Variants in TRAK1 observed in about 807,000 individuals in gnomAD.
TRAK1 encodes the protein trafficking kinesin protein 1, also known as trafficking kinesin-binding protein 1.
A neutral mutation model predicts 92.1 loss-of-function variants in TRAK1; 33 were observed. That is an observed-to-expected ratio of 0.36 (90% CI 0.27 to 0.48). The LOEUF is 0.48. Ranked by LOEUF, TRAK1 falls within the 20% of genes least tolerant of loss-of-function variation. The pLI is 0.99. For synonymous variants in TRAK1, 521 were observed against 517.3 expected (o/e 1.01, Z -0.10); for missense variants, 1,123 against 1,257.9 (o/e 0.89, Z 1.62).
chr3:42,218,333 A>C, intron 14 of TRAK1: 1 of 984,910 alleles, frequency 1.0e-6, no homozygotes, highest in Non-Finnish European at 1.2e-6. Context: ...AGAAGATTCT[A>C]GTTCACAGCC....
At chr3:42,098,779 A>G (rs189951813) in intron 1 of TRAK1, among the ~76,000 whole-genome samples, 2 of 152,322 alleles carry the variant, frequency 1.3e-5, no homozygotes, top group Non-Finnish European at 2.9e-5. Context: ...GGGAGTCCAC[A>G]GTGTACCCCT....
intron 1 of TRAK1, among the ~76,000 whole-genome samples, chr3:42,109,122 T>C (rs1484566805): frequency 6.6e-6 from 1 of 152,178 alleles, no homozygotes; most frequent in Non-Finnish European, 1.5e-5. Flanking sequence ...AACTTCTCTG[T>C]GCTGTAGTGT....
At chr3:42,133,746 G>C (rs969897799) in intron 2 of TRAK1, among the ~76,000 whole-genome samples, 2 of 152,110 alleles carry the variant, frequency 1.3e-5, no homozygotes, top group African/African-American at 4.8e-5. Flanking sequence ...ACCTTTACGA[G>C]CACTGCAGGA....
chr3:42,071,092 G>A (rs1703913455), intron 1 of TRAK1, among the ~76,000 whole-genome samples: 1 of 152,180 alleles, frequency 6.6e-6, no homozygotes, highest in South Asian at 2.1e-4. Flanking sequence ...GCCTGGCTAA[G>A]CACACAGTCA....
chr3:42,030,731 T>C (rs1702107948), intron 1 of TRAK1, among the ~76,000 whole-genome samples: 1 of 79,402 alleles, frequency 1.3e-5, no homozygotes, highest in Non-Finnish European at 2.6e-5. Flanking sequence ...TATATATATA[T>C]ATATATATAT....
chr3:42,121,512 G>A (rs914739569), intron 1 of TRAK1, among the ~76,000 whole-genome samples: 8 of 152,122 alleles, frequency 5.3e-5, no homozygotes, highest in African/African-American at 1.9e-4. Context: ...GCCCGCCTTG[G>A]CCTCCCAAAG....
chr3:42,080,148 G>T (rs1323634583), intron 1 of TRAK1, among the ~76,000 whole-genome samples: 1 of 152,168 alleles, frequency 6.6e-6, no homozygotes, highest in Non-Finnish European at 1.5e-5. Flanking sequence ...AAATGACATC[G>T]GTTGAGGGTA....
chr3:42,046,886 G>T (rs1184037363), intron 1 of TRAK1, among the ~76,000 whole-genome samples: 1 of 152,008 alleles, frequency 6.6e-6, no homozygotes, highest in Non-Finnish European at 1.5e-5. Context: ...TGGATTTCAT[G>T]AGCTTTGGTA....
chr3:42,150,025 C>G lies in TRAK1; in HGVS notation c.286+24411C>G, dbSNP rs189553018. Among the ~76,000 whole-genome samples the G allele has an allele frequency of 9.9e-4, 141 of 142,980 alleles. 1 individual carries two copies. In the South Asian group the frequency reaches 0.016, roughly 16 times the overall value. 93.8% of individuals were successfully genotyped at this position (142,980 alleles called of 152,430 possible). ...TGTGTTCAGGAGGTGGCTTCCTGGA[C>G]TGTCAGCAGCAGGCCTGGAAGACTC... On this transcript the variant is annotated intron_variant, in intron 2 of 15. Transcript: ENST00000327628.
intron 10 of TRAK1, among the ~76,000 whole-genome samples, chr3:42,196,392 G>A (rs1311062054): frequency 6.6e-6 from 1 of 152,152 alleles, no homozygotes; most frequent in African/African-American, 2.4e-5. Context: ...AAATTTGGGG[G>A]GGGCCTGTGA....
chr3:42,192,783 T>G (rs559239485), intron 7 of TRAK1, among the ~76,000 whole-genome samples: 1 of 152,320 alleles, frequency 6.6e-6, no homozygotes, highest in African/African-American at 2.4e-5. Flanking sequence ...CCTTCCTGAT[T>G]TGTTCTGGGG....
intron 6 of TRAK1, among the ~76,000 whole-genome samples, chr3:42,190,222 C>T (rs1055424950): frequency 1.3e-5 from 2 of 152,134 alleles, no homozygotes; most frequent in African/African-American, 2.4e-5. Flanking sequence ...TGGTACAGTA[C>T]GGCCCTGTTT....
chr3:42,031,814 TAATA>T (rs1184090489), intron 1 of TRAK1, among the ~76,000 whole-genome samples: 1 of 152,052 alleles, frequency 6.6e-6, no homozygotes, highest in East Asian at 1.9e-4. Context: ...ACGGCATGGA[TAATA>T]AAATGCCCCC....
At chr3:42,027,658 CCTAAA>C (rs1227198377) in intron 1 of TRAK1, among the ~76,000 whole-genome samples, 2 of 151,998 alleles carry the variant, frequency 1.3e-5, no homozygotes, top group Non-Finnish European at 2.9e-5. Flanking sequence ...AAGCCCCAAA[CCTAAA>C]CTATACAGTG....
chr3:42,066,163 T>A (rs1703667061), intron 1 of TRAK1, among the ~76,000 whole-genome samples: 1 of 151,974 alleles, frequency 6.6e-6, no homozygotes, highest in African/African-American at 2.4e-5. Context: ...CCGTCTCTGC[T>A]AAAATTCCAA....
chr3:42,078,393 G>A (rs1202298459), intron 1 of TRAK1, among the ~76,000 whole-genome samples: 2 of 152,168 alleles, frequency 1.3e-5, no homozygotes, highest in African/African-American at 4.8e-5. Flanking sequence ...TGTCCTGGAT[G>A]ATCTAAGTGG....
rs115838699 is a variant in TRAK1 at position 42,068,929 on chromosome 3, T to C, written c.-518-18175T>C. Among the ~76,000 whole-genome samples the C allele has an allele frequency of 6.8e-3, 1,043 of 152,330 alleles. 10 individuals carry two copies. The highest frequency in any genetic ancestry group is 0.024 in the African/African-American group (984 of 41,562). ...TTGGCCAACATCATACAGTGACCTA[T>C]TCTGACTGTGTCTTTCTGTCCCTAC... On this transcript the variant is annotated intron_variant, in intron 1 of 16. Transcript: ENST00000487159.
At position 42,224,721 on chromosome 3, in the gene TRAK1, A is replaced by C. The variant is rs1710647671; in HGVS notation, c.*984A>C. On this transcript the variant is annotated 3_prime_UTR_variant, in exon 16 of 16. Coordinates refer to ENST00000327628, the MANE Select transcript of TRAK1 (RefSeq NM_001042646.3). ...AAAAAGCTTATTAAAGAAATGTGTC[A>C]ACACCAAATGTAGAGGGGAAGAACC... 6.6e-6 allele frequency: 1 copy of C among 152,250 alleles called. No homozygotes were observed. The highest frequency in any genetic ancestry group is 2.4e-5 in the African/African-American group (1 of 41,456). The allele number at this position is 152,250 out of a possible 1,614,324, so 9.4% of individuals were successfully genotyped here. A position where few individuals can be genotyped will look rare whatever the true frequency, so the allele number is the denominator to read the frequency against.
At chr3:42,146,126 T>A (rs1231388347) in intron 2 of TRAK1, 1 of 453,424 alleles carries the variant, frequency 2.2e-6, no homozygotes, top group East Asian at 6.1e-5. Context: ...ATACACCAAC[T>A]ACATTGTGTC....
Sources: allele counts gnomAD v4.1 joint callset (sites outside exome capture counted in the v4.1 genomes callset), GRCh38; gene constraint gnomAD v4.1.1; transcripts MANE v1.5; gene names NCBI Gene and HGNC (gene_info 2026-07-23, HGNC 2026-07-21).